Variants in GSE1 observed in about 807,000 individuals in gnomAD.
GSE1 encodes Gse1 coiled-coil protein.
In GSE1, 32 loss-of-function variants were observed where a neutral mutation model predicts 112.6. The observed-to-expected ratio is 0.28, with a 90% CI of 0.21 to 0.38. GSE1 has a LOEUF of 0.38. Among genes scored for constraint, GSE1 ranks in the 10% least tolerant of loss-of-function variants. The pLI is 1.00. For synonymous variants in GSE1, 1,115 were observed against 735.6 expected (o/e 1.52, Z -8.35); for missense variants, 2,348 against 1,699.2 (o/e 1.38, Z -6.71).
chr16:85,222,400 C>A (rs1309798250), intron 1 of GSE1, among the ~76,000 whole-genome samples: 3 of 152,218 alleles, frequency 2.0e-5, no homozygotes, highest in Non-Finnish European at 2.9e-5. Flanking sequence ...CCCCTGCTTG[C>A]GTGAAATGGG....
chr16:85,669,305 C>G (rs952270796), intron 14 of GSE1, among the ~76,000 whole-genome samples: 1 of 152,260 alleles, frequency 6.6e-6, no homozygotes, highest in African/African-American at 2.4e-5. Flanking sequence ...CTAGAGGACT[C>G]TTTATCATCA....
chr16:85,615,677 C>A (rs886330270), intron 1 of GSE1, among the ~76,000 whole-genome samples: 1 of 152,118 alleles, frequency 6.6e-6, no homozygotes, highest in Admixed American at 6.5e-5. Context: ...AACAAGGTGT[C>A]CACTGTGGCG....
In GSE1 at chr16:85,654,267, T is replaced by C. The variant is rs760561909; in HGVS notation, c.427-11T>C. 8 of 1,583,096 alleles carry C rather than the reference T, an allele frequency of 5.1e-6. No homozygotes were observed. In the South Asian group the frequency reaches 6.8e-5, roughly 14 times the overall value. ...AGGCTCCTGCCCTGACTGGACGCTC[T>C]CCTCCCGCAGGATGCCGGCTCCAGG... is the stretch of plus-strand genomic sequence containing the variant. On this transcript the variant is annotated splice_polypyrimidine_tract_variant and intron_variant, in intron 3 of 15. Transcript: ENST00000253458.
intron 1 of GSE1, among the ~76,000 whole-genome samples, chr16:85,343,506 T>G (rs1458644736): frequency 2.6e-5 from 4 of 152,172 alleles, no homozygotes; most frequent in Non-Finnish European, 5.9e-5. Context: ...CCTAGAATTT[T>G]GGGAGGTTGA....
At chr16:85,273,734 G>T (rs1262610045) in intron 1 of GSE1, among the ~76,000 whole-genome samples, 3 of 152,050 alleles carry the variant, frequency 2.0e-5, no homozygotes, top group Non-Finnish European at 4.4e-5. Flanking sequence ...TTGTCGCCCA[G>T]TCTGGAGTGC....
intron 13 of GSE1, 32 bp from the exon 14 acceptor site, chr16:85,668,108 A>C (rs1263892045): frequency 2.0e-6 from 3 of 1,520,006 alleles, no homozygotes; most frequent in Non-Finnish European, 2.7e-6. Flanking sequence ...CCTTCCCCCA[A>C]CACACTGATG....
intron 2 of GSE1, among the ~76,000 whole-genome samples, chr16:85,383,205 C>T (rs976703169): frequency 2.0e-5 from 3 of 152,106 alleles, no homozygotes; most frequent in East Asian, 3.9e-4. Context: ...CATCCACACA[C>T]AGCCCTCTGT....
chr16:85,436,458 T>C (rs939669834), intron 2 of GSE1, among the ~76,000 whole-genome samples: 1 of 152,232 alleles, frequency 6.6e-6, no homozygotes, highest in Non-Finnish European at 1.5e-5. Flanking sequence ...GCCCTCTCCC[T>C]GGTTGATCTT....
rs930016836 is a variant in GSE1, at chr16:85,639,190, C to T, written c.226+5058C>T. ...CACATTGTCCCAGCCACCAAAGGGA[C>T]GTCCCCGGGGCCGCCCAGCCCTCCC... On this transcript the variant is annotated intron_variant, in intron 2 of 15. Transcript: ENST00000253458. Among the ~76,000 whole-genome samples, 10 of 152,328 alleles carry T rather than the reference C, an allele frequency of 6.6e-5. No homozygotes were observed. In the East Asian group the frequency reaches 7.7e-4, roughly 12 times the overall value.
chr16:85,616,870 G>A (rs959890331), intron 1 of GSE1, among the ~76,000 whole-genome samples: 1 of 152,172 alleles, frequency 6.6e-6, no homozygotes, highest in African/African-American at 2.4e-5. Flanking sequence ...TCTGAATCCA[G>A]CCGTGTGCTT....
intron 2 of GSE1, among the ~76,000 whole-genome samples, chr16:85,429,401 TC>T (rs1387831653): frequency 6.6e-6 from 1 of 152,134 alleles, no homozygotes; most frequent in African/African-American, 2.4e-5. Flanking sequence ...CGAAACATCC[TC>T]CCTGGAAGCC....
chr16:85,594,348 G>A (rs1229299066), intron 1 of GSE1: 1 of 151,960 alleles, frequency 6.6e-6, no homozygotes, highest in Non-Finnish European at 1.5e-5. Context: ...TATTTTCCAT[G>A]CCCCAGGCCC....
intron 1 of GSE1, among the ~76,000 whole-genome samples, chr16:85,195,071 C>T (rs1325116019): frequency 6.6e-6 from 1 of 152,124 alleles, no homozygotes; most frequent in Non-Finnish European, 1.5e-5. Flanking sequence ...CTCCACCATC[C>T]AATCGCAGGC....
intron 1 of GSE1, among the ~76,000 whole-genome samples, chr16:85,247,993 C>T (rs1455318700): frequency 6.6e-6 from 1 of 152,228 alleles, no homozygotes; most frequent in Non-Finnish European, 1.5e-5. Context: ...CTGTTGGGCT[C>T]AGGACAGCTA....
In GSE1 at chr16:85,354,857, G is replaced by A. The variant is rs574878730; in HGVS notation, c.2284-2606G>A. Among the ~76,000 whole-genome samples the A allele has an allele frequency of 1.1e-3, 175 of 152,372 alleles. 1 individual carries two copies. In the South Asian group the frequency reaches 0.02, roughly 17 times the overall value. On this transcript the variant is annotated intron_variant, in intron 1 of 2. Coordinates refer to the GSE1 transcript ENST00000637419. ...TGCAGCATTTCCTGAGATGACTCAG[G>A]GCAAGGCTGCAGGAGTAGCTCAGTC...
At chr16:85,294,097 G>A (rs747028506) in intron 1 of GSE1, among the ~76,000 whole-genome samples, 45 of 152,296 alleles carry the variant, frequency 3.0e-4, no homozygotes, top group Non-Finnish European at 1.3e-4. Flanking sequence ...CCAGAGCATA[G>A]CCTGGCTCCC....
chr16:85,189,501 G>A (rs193191916), intron 1 of GSE1, among the ~76,000 whole-genome samples: 3 of 152,308 alleles, frequency 2.0e-5, no homozygotes, highest in African/African-American at 7.2e-5. Context: ...GTGAAAATGG[G>A]AGGTTAGGGA....
rs1176189464 is a variant in GSE1, at chr16:85,613,405, G to A, written c.7+7G>A. The A allele has an allele frequency of 1.3e-6, 2 of 1,559,306 alleles. No homozygotes were observed. The highest frequency in any genetic ancestry group is 1.9e-5 in the Admixed American group (1 of 52,902). On this transcript the variant is annotated splice_region_variant and intron_variant, in intron 1 of 15. Coordinates refer to ENST00000253458, the MANE Select transcript of GSE1 (RefSeq NM_014615.5). ...CGGGGCCCTGGCATGAAAGGTGAGC[G>A]CGCCGCACCCGGCCGGGGACGGGGT... is the stretch of plus-strand genomic sequence containing the variant.
At chr16:85,385,608 CA>C (rs1286346249) in intron 2 of GSE1, among the ~76,000 whole-genome samples, 1 of 152,118 alleles carries the variant, frequency 6.6e-6, no homozygotes. Context: ...AGTCCCGTGG[CA>C]CCCCCAGGGC....
Sources: allele counts gnomAD v4.1 joint callset (sites outside exome capture counted in the v4.1 genomes callset), GRCh38; gene constraint gnomAD v4.1.1; transcripts MANE v1.5; gene names NCBI Gene and HGNC (gene_info 2026-07-23, HGNC 2026-07-21).